FGL1: variants seen among roughly 807,000 people sequenced by gnomAD.
The protein encoded by FGL1 is fibrinogen like 1.
FGL1 carries 59 observed loss-of-function variants against 43.7 expected under a neutral mutation model. The observed-to-expected ratio is 1.35, with a 90% confidence interval of 1.10 to 1.68. The LOEUF is 1.68. Among genes scored for constraint, FGL1 ranks in the 40% most tolerant of loss-of-function variants. The probability of loss-of-function intolerance (pLI) is 0.00; values close to 1 mark genes in which losing one functional copy is unlikely to be tolerated. For synonymous variants in FGL1, 192 were observed against 126.5 expected (o/e 1.52, Z -3.48); for missense variants, 596 against 373.0 (o/e 1.60, Z -4.92).
chr8:17,868,765 T>C (rs754513580), intron 6 of FGL1, 30 bp from the exon 7 acceptor site: 2 of 1,588,116 alleles, frequency 1.3e-6, no homozygotes, highest in Non-Finnish European at 1.7e-6. Flanking sequence ...CTGCTGTCAG[T>C]GGAGTTCCTC....
intron 2 of FGL1, 38 bp downstream of exon 2, chr8:17,885,454 C>T: frequency 6.1e-6 from 9 of 1,482,042 alleles, no homozygotes; most frequent in Non-Finnish European, 8.4e-6. Flanking sequence ...TAAAAGCAGG[C>T]ATTATAAATA....
rs139599539 is a variant in FGL1, at chr8:17,864,651, A to C, written c.880T>G (p.Ser294Ala). 1.9e-6 allele frequency: 3 copies of C among 1,613,502 alleles called. No homozygotes were observed. The highest frequency in any genetic ancestry group is 2.5e-6 in the Non-Finnish European group (3 of 1,179,910). ...VWYTWHGWWY[S>A]LKSVVMKIRP... The stretch of plus-strand genomic sequence containing the variant: ...ATTTTCATAACCACAGATTTCAGAG[A>C]ATACCACCACCCATGCCAGGTGTAC... Residue 294 changes from serine to alanine, a missense_variant, in exon 8 of 8, where the codon TCT becomes GCT. Transcript: ENST00000427924.
At chr8:17,885,955 A>G (rs1021462655) in intron 1 of FGL1, among the ~76,000 whole-genome samples, 11 of 152,100 alleles carry the variant, frequency 7.2e-5, no homozygotes, top group Non-Finnish European at 1.3e-4. Context: ...TTTTCTCCCT[A>G]TGTTGTGAGG....
At chr8:17,865,484 A>C (rs1432366292) in intron 7 of FGL1, among the ~76,000 whole-genome samples, 1 of 152,216 alleles carries the variant, frequency 6.6e-6, no homozygotes, top group South Asian at 2.1e-4. Flanking sequence ...GTAAGCAAAC[A>C]AACCTAAATC....
In FGL1 at chr8:17,869,017, C is replaced by T. The variant is rs181272361; in HGVS notation, c.503-13G>A. On this transcript the variant is annotated splice_polypyrimidine_tract_variant and intron_variant, in intron 5 of 7. Transcript: ENST00000427924. ...AAAGTGTAGTCTTCTAAAAAAGAAA[C>T]AAGCAATTATAATTTTTAAAAATGT... is the stretch of plus-strand genomic sequence containing the variant. The T allele has an allele frequency of 6.2e-4, 958 of 1,540,050 alleles. 3 individuals carry two copies. In the African/African-American group the frequency reaches 0.012, roughly 19 times the overall value.
chr8:17,866,261 C>G (rs909673268), intron 7 of FGL1, among the ~76,000 whole-genome samples: 1 of 152,086 alleles, frequency 6.6e-6, no homozygotes, highest in Admixed American at 6.5e-5. Context: ...TTGGGTCTTC[C>G]TTGGTGAAGA....
At chr8:17,865,384 C>T (rs1344354862) in intron 7 of FGL1, among the ~76,000 whole-genome samples, 2 of 152,130 alleles carry the variant, frequency 1.3e-5, no homozygotes, top group African/African-American at 2.4e-5. Context: ...CACGTTCATT[C>T]CTCTGCTGCT....
intron 2 of FGL1, among the ~76,000 whole-genome samples, chr8:17,882,854 ATC>A (rs1290043711): frequency 0.03 from 1,282 of 42,254 alleles, 78 homozygotes; most frequent in African/African-American, 0.08. Flanking sequence ...TATAATATAT[ATC>A]ATATATAATA....
In FGL1 at chr8:17,880,719, T is replaced by C. The variant is rs78818215; in HGVS notation, c.244+1280A>G. ...GCATGGTAGTGCTAGAATAGACATA[T>C]GGACAAAGTGCTTTCGCTAGCATTC... On this transcript the variant is annotated intron_variant, in intron 3 of 7. Coordinates refer to ENST00000427924, the MANE Select transcript of FGL1 (RefSeq NM_004467.4). Among the ~76,000 whole-genome samples, 201 of 152,298 alleles carry C rather than the reference T, an allele frequency of 1.3e-3. 2 individuals are homozygous for C. Among genetic ancestry groups the C allele is most frequent in the South Asian group, 5.0e-3 (24 of 4,826 alleles).
intron 5 of FGL1, among the ~76,000 whole-genome samples, chr8:17,870,373 G>A (rs1401787220): frequency 6.6e-6 from 1 of 152,016 alleles, no homozygotes; most frequent in African/African-American, 2.4e-5. Flanking sequence ...TCTTGTCAGG[G>A]GCACCAAATG....
chr8:17,877,775 C>A (rs2053477940), intron 3 of FGL1, among the ~76,000 whole-genome samples: 1 of 152,086 alleles, frequency 6.6e-6, no homozygotes, highest in South Asian at 2.1e-4. Context: ...ACAAACAATC[C>A]AATTTTGCTC....
chr8:17,891,622 AC>A (rs2053706260), intron 1 of FGL1: 1 of 944,978 alleles, frequency 1.1e-6, no homozygotes, highest in African/African-American at 1.8e-5. Context: ...GCACAGCTGA[AC>A]CTAGCACAGG....
intron 5 of FGL1, among the ~76,000 whole-genome samples, chr8:17,872,443 C>G (rs2053377933): frequency 6.6e-6 from 1 of 152,060 alleles, no homozygotes; most frequent in African/African-American, 2.4e-5. Context: ...GCTGGGATTA[C>G]AGTGCTGTGC....
At chr8:17,872,551 C>A (rs1002300749) in intron 5 of FGL1, among the ~76,000 whole-genome samples, 2 of 152,280 alleles carry the variant, frequency 1.3e-5, no homozygotes, top group Admixed American at 1.3e-4. Context: ...GGTCCACCCA[C>A]CTCAGCATCC....
intron 3 of FGL1, among the ~76,000 whole-genome samples, chr8:17,876,263 T>G (rs899481972): frequency 2.6e-5 from 4 of 152,220 alleles, no homozygotes; most frequent in African/African-American, 9.6e-5. Context: ...TTCATTGTTT[T>G]GATACTAGAT....
At chr8:17,871,448 G>A (rs2053358487) in intron 5 of FGL1, among the ~76,000 whole-genome samples, 1 of 148,400 alleles carries the variant, frequency 6.7e-6, no homozygotes, top group South Asian at 2.1e-4. Flanking sequence ...AGCCAAGGCT[G>A]TGCCACTGCA....
chr8:17,876,202 T>C (rs550411779), intron 3 of FGL1, among the ~76,000 whole-genome samples: 11 of 152,348 alleles, frequency 7.2e-5, no homozygotes, highest in African/African-American at 1.9e-4. Flanking sequence ...TATTGGATAA[T>C]TCCATTCTTG....
intron 1 of FGL1, among the ~76,000 whole-genome samples, chr8:17,886,043 T>A (rs907335779): frequency 3.3e-5 from 5 of 152,130 alleles, no homozygotes; most frequent in African/African-American, 1.2e-4. Flanking sequence ...CGTGAGCCAC[T>A]GCCTAGAGTA....
intron 2 of FGL1, among the ~76,000 whole-genome samples, chr8:17,884,045 TTTTTC>T (rs1454101189): frequency 6.8e-6 from 1 of 146,724 alleles, no homozygotes; most frequent in African/African-American, 2.5e-5. Context: ...TCTCCTCTTC[TTTTTC>T]TTTTCTTTTG....
Sources: gnomAD v4.1 joint callset for allele counts (sites outside exome capture counted in the v4.1 genomes callset) on GRCh38, gnomAD v4.1.1 for gene constraint, MANE v1.5 for transcripts, NCBI Gene and HGNC (gene_info 2026-07-23, HGNC 2026-07-21) for gene names.